Variants in CSMD1 observed in about 807,000 individuals in gnomAD.
CSMD1 encodes CUB and Sushi multiple domains 1.
A neutral mutation model predicts 417.5 loss-of-function variants in CSMD1; 213 were observed. That is an observed-to-expected ratio of 0.51 (90% confidence interval 0.46 to 0.57). The LOEUF (loss-of-function observed/expected upper bound fraction) is 0.57. Ranked by LOEUF, CSMD1 falls within the 20% of genes least tolerant of loss-of-function variation. The pLI is 0.00. For missense variants in CSMD1, 6,923 were observed against 4,529.7 expected (o/e 1.53, Z -15.17); for synonymous variants, 2,862 against 1,736.8 (o/e 1.65, Z -16.11).
At chr8:3,713,934 T>G (rs934052928) in intron 6 of CSMD1, among the ~76,000 whole-genome samples, 4 of 152,068 alleles carry the variant, frequency 2.6e-5, no homozygotes, top group Non-Finnish European at 5.9e-5. Context: ...AAAGTTTTAT[T>G]TAAGTACTGC....
chr8:3,744,866 T>G (rs996282526), intron 6 of CSMD1, among the ~76,000 whole-genome samples: 1 of 152,156 alleles, frequency 6.6e-6, no homozygotes. Flanking sequence ...TCATCACAGA[T>G]AGAGTAAGGG....
chr8:3,955,910 C>A (rs566636028), intron 5 of CSMD1, among the ~76,000 whole-genome samples: 1 of 152,194 alleles, frequency 6.6e-6, no homozygotes, highest in Non-Finnish European at 1.5e-5. Flanking sequence ...ACCTTTGCCT[C>A]CCGGGTTAAA....
intron 8 of CSMD1, among the ~76,000 whole-genome samples, chr8:3,615,353 T>G (rs1203806350): frequency 6.6e-6 from 1 of 152,174 alleles, no homozygotes; most frequent in African/African-American, 2.4e-5. Flanking sequence ...TGCTTAGCTC[T>G]TTACTCCAAT....
At chr8:4,953,403 A>T (rs1212266570) in intron 1 of CSMD1, among the ~76,000 whole-genome samples, 1 of 152,166 alleles carries the variant, frequency 6.6e-6, no homozygotes, top group African/African-American at 2.4e-5. Context: ...CATGTAATCA[A>T]TATGAAGGAC....
chr8:3,974,730 G>A (rs71521896), intron 5 of CSMD1, among the ~76,000 whole-genome samples: 5,633 of 151,554 alleles, frequency 0.037, 125 homozygotes, highest in South Asian at 0.088. Flanking sequence ...AACAGAACAG[G>A]CAAAACTAAA....
intron 3 of CSMD1, among the ~76,000 whole-genome samples, chr8:4,386,883 G>A (rs1415445535): frequency 6.6e-6 from 1 of 152,152 alleles, no homozygotes; most frequent in South Asian, 2.1e-4. Flanking sequence ...GACTGAAAAA[G>A]GTATAGTATC....
At chr8:4,085,388 G>A (rs1050786273) in intron 3 of CSMD1, among the ~76,000 whole-genome samples, 1 of 152,102 alleles carries the variant, frequency 6.6e-6, no homozygotes, top group African/African-American at 2.4e-5. Context: ...TATTGGAGAA[G>A]CTCCAAAAAA....
chr8:4,749,323 C>T (rs1352559041), intron 1 of CSMD1, among the ~76,000 whole-genome samples: 1 of 152,210 alleles, frequency 6.6e-6, no homozygotes, highest in East Asian at 1.9e-4. Flanking sequence ...TGGAGTATCA[C>T]AAAATCTTAC....
At chr8:4,058,691 A>G (rs1301307511) in intron 3 of CSMD1, among the ~76,000 whole-genome samples, 1 of 140,638 alleles carries the variant, frequency 7.1e-6, no homozygotes, top group Non-Finnish European at 1.5e-5. Context: ...AAAAGAGACA[A>G]AGAAGGCCAT....
chr8:3,796,457 ATATCTATCATGTATATAGATATC>A (rs1563089748), intron 5 of CSMD1, among the ~76,000 whole-genome samples: 1 of 138,508 alleles, frequency 7.2e-6, no homozygotes, highest in Non-Finnish European at 1.5e-5. Context: ...ATAGATATAG[ATATCTATCATGTATATAGATATC>A]TATCTATCAT....
intron 3 of CSMD1, among the ~76,000 whole-genome samples, chr8:4,239,627 C>A (rs896449818): frequency 6.6e-6 from 1 of 152,166 alleles, no homozygotes; most frequent in African/African-American, 2.4e-5. Context: ...ACCTAGAGAA[C>A]CCAAACTGCT....
intron 3 of CSMD1, among the ~76,000 whole-genome samples, chr8:4,286,749 G>C (rs1334772839): frequency 1.3e-5 from 2 of 152,160 alleles, no homozygotes; most frequent in African/African-American, 2.4e-5. Context: ...TCTGATGCTT[G>C]ATAAATATTA....
intron 20 of CSMD1, among the ~76,000 whole-genome samples, chr8:3,364,491 G>A (rs1809420390): frequency 6.6e-6 from 1 of 152,168 alleles, no homozygotes; most frequent in African/African-American, 2.4e-5. Flanking sequence ...GCTTGTTTGT[G>A]CAAGTAGTTT....
chr8:3,241,995 G>GT (rs2116976965), intron 26 of CSMD1, among the ~76,000 whole-genome samples: 1 of 88,936 alleles, frequency 1.1e-5, no homozygotes, highest in South Asian at 5.0e-4. Context: ...AGGGTCTAGG[G>GT]CTGTAAAGCG....
intron 1 of CSMD1, among the ~76,000 whole-genome samples, chr8:4,968,217 G>A (rs985051031): frequency 6.6e-6 from 1 of 151,658 alleles, no homozygotes; most frequent in Admixed American, 6.6e-5. Flanking sequence ...TAGAATCAGG[G>A]TTTTGATTCA....
At chr8:4,440,517 A>G (rs1174998505) in intron 2 of CSMD1, among the ~76,000 whole-genome samples, 1 of 152,208 alleles carries the variant, frequency 6.6e-6, no homozygotes, top group Non-Finnish European at 1.5e-5. Flanking sequence ...TTCTATGGAT[A>G]TAAAGACATG....
chr8:4,769,066 C>G (rs959781012), intron 1 of CSMD1, among the ~76,000 whole-genome samples: 16 of 152,168 alleles, frequency 1.1e-4, no homozygotes, highest in African/African-American at 3.9e-4. Context: ...ATGTGTGAGG[C>G]AAACAGTTAA....
chr8:4,198,382 G>C (rs1048049286), intron 3 of CSMD1, among the ~76,000 whole-genome samples: 2 of 152,204 alleles, frequency 1.3e-5, no homozygotes, highest in African/African-American at 4.8e-5. Flanking sequence ...CCTACACTGT[G>C]ATGGACAGAG....
chr8:4,780,413 C>T (rs956863026), intron 1 of CSMD1, among the ~76,000 whole-genome samples: 19 of 149,866 alleles, frequency 1.3e-4, no homozygotes, highest in Non-Finnish European at 1.3e-4. Flanking sequence ...ATTGATCAGT[C>T]GATCTGTCTG....
Sources: allele counts gnomAD v4.1 joint callset (sites outside exome capture counted in the v4.1 genomes callset), GRCh38; gene constraint gnomAD v4.1.1; transcripts MANE v1.5; gene names NCBI Gene and HGNC (gene_info 2026-07-23, HGNC 2026-07-21).